The following HS3ST4 variants were observed in gnomAD, a reference collection of about 807,000 sequenced individuals.
The protein encoded by HS3ST4 is heparan sulfate-glucosamine 3-sulfotransferase 4.
A neutral mutation model predicts 29.2 loss-of-function variants in HS3ST4; 17 were observed. That is an observed-to-expected ratio of 0.58 (90% confidence interval 0.40 to 0.87). HS3ST4 has a LOEUF of 0.87. HS3ST4 is among the 40% of genes least tolerant of loss of function. The pLI is 0.00. For synonymous variants in HS3ST4, 314 were observed against 285.7 expected (o/e 1.10, Z -1.00); for missense variants, 627 against 634.5 (o/e 0.99, Z 0.13).
rs756561768 is a variant in HS3ST4 at position 26,137,003 on chromosome 16, A to G, written c.*755A>G. The G allele has an allele frequency of 4.6e-5, 7 of 152,230 alleles. No homozygotes were observed. The highest frequency in any genetic ancestry group is 1.7e-4 in the African/African-American group (7 of 41,442). 9.4% of individuals were successfully genotyped at this position (152,230 alleles called of 1,614,324 possible). On this transcript the variant is annotated 3_prime_UTR_variant, in exon 2 of 2. Coordinates refer to ENST00000331351, the MANE Select transcript of HS3ST4 (RefSeq NM_006040.3). ...ATCCTGGGTTGTGCAGAAGCTTAGC[A>G]TATGCCCTTGTGTTCGGATCAGGCC...
chr16:26,034,781 C>A (rs1398622696), intron 1 of HS3ST4, among the ~76,000 whole-genome samples: 1 of 151,756 alleles, frequency 6.6e-6, no homozygotes, highest in Non-Finnish European at 1.5e-5. Context: ...CCAGCCTGGG[C>A]AACATAGCAA....
chr16:25,751,453 C>G (rs1966719518), intron 1 of HS3ST4, among the ~76,000 whole-genome samples: 1 of 152,138 alleles, frequency 6.6e-6, no homozygotes, highest in Non-Finnish European at 1.5e-5. Flanking sequence ...GGATGTTACA[C>G]AAAGCAAGGA....
chr16:25,822,756 G>A (rs993494796), intron 1 of HS3ST4, among the ~76,000 whole-genome samples: 3 of 150,926 alleles, frequency 2.0e-5, no homozygotes, highest in Non-Finnish European at 4.4e-5. Flanking sequence ...TTGTTCTTTT[G>A]AGACAGGGTC....
intron 1 of HS3ST4, among the ~76,000 whole-genome samples, chr16:26,080,639 C>T (rs1299355260): frequency 6.6e-6 from 1 of 152,164 alleles, no homozygotes; most frequent in South Asian, 2.1e-4. Flanking sequence ...TGGAGAATGT[C>T]TCAGGGCTAC....
intron 1 of HS3ST4, among the ~76,000 whole-genome samples, chr16:26,130,284 C>T (rs896915654): frequency 5.3e-5 from 8 of 152,168 alleles, no homozygotes; most frequent in African/African-American, 9.6e-5. Flanking sequence ...ATATGGTTCA[C>T]GCTGAAGTGC....
At position 26,136,700 on chromosome 16, in the gene HS3ST4, C is replaced by A. The variant is rs1898288218; in HGVS notation, c.*452C>A. On this transcript the variant is annotated 3_prime_UTR_variant, in exon 2 of 2. Transcript: ENST00000331351. ...TGTCTAAACCTCTGCTTGGGCTTCT[C>A]CCCAGAATGCACTTTGTGGCTGAGT... The A allele has an allele frequency of 1.2e-5, 2 of 171,610 alleles. No homozygotes were observed. Among genetic ancestry groups the A allele is most frequent in the South Asian group, 2.7e-4 (2 of 7,310 alleles). The allele number at this position is 171,610 out of a possible 1,614,324, so 10.6% of individuals were successfully genotyped here.
intron 1 of HS3ST4, among the ~76,000 whole-genome samples, chr16:26,025,804 T>A (rs1969465021): frequency 6.6e-6 from 1 of 152,086 alleles, no homozygotes; most frequent in Admixed American, 6.5e-5. Context: ...TGAGATGGAG[T>A]CTCATTCTGT....
At chr16:25,935,783 T>C (rs1378150354) in intron 1 of HS3ST4, among the ~76,000 whole-genome samples, 1 of 152,196 alleles carries the variant, frequency 6.6e-6, no homozygotes, top group Non-Finnish European at 1.5e-5. Flanking sequence ...AATGTTTATA[T>C]GTTTATAGCA....
rs187881540 is a variant in HS3ST4, at chr16:25,872,508, C to G, written c.734+179357C>G. On this transcript the variant is annotated intron_variant, in intron 1 of 1. Coordinates refer to ENST00000331351, the MANE Select transcript of HS3ST4 (RefSeq NM_006040.3). Reference sequence around the variant, plus strand: ...GCTTCTGTTCTAGGATGGTCCCATTCATGTTTGGCAGTTAGATCAGTGTCA... The same window carrying G: ...GCTTCTGTTCTAGGATGGTCCCATTGATGTTTGGCAGTTAGATCAGTGTCA... Among the ~76,000 whole-genome samples the G allele has an allele frequency of 2.6e-5, 4 of 152,328 alleles. No individual in the cohort carries two copies. The East Asian group carries it at 7.7e-4, about 29-fold the overall frequency.
At chr16:26,047,853 A>G (rs1172966132) in intron 1 of HS3ST4, among the ~76,000 whole-genome samples, 2 of 152,210 alleles carry the variant, frequency 1.3e-5, no homozygotes, top group Non-Finnish European at 2.9e-5. Context: ...TGAGCGGTGT[A>G]ACAGAGACTG....
chr16:26,105,069 C>A (rs1179127419), intron 1 of HS3ST4, among the ~76,000 whole-genome samples: 5 of 152,188 alleles, frequency 3.3e-5, no homozygotes, highest in Non-Finnish European at 7.3e-5. Context: ...CTTCTCCCCA[C>A]AGCAATCACA....
intron 1 of HS3ST4, among the ~76,000 whole-genome samples, chr16:25,920,613 T>A (rs955383071): frequency 2.7e-5 from 4 of 149,328 alleles, no homozygotes; most frequent in African/African-American, 9.8e-5. Flanking sequence ...CCCCTCTTTT[T>A]TTTTTTTGAA....
chr16:26,016,079 A>T (rs1170772019), intron 1 of HS3ST4, among the ~76,000 whole-genome samples: 1 of 151,904 alleles, frequency 6.6e-6, no homozygotes, highest in Admixed American at 6.6e-5. Context: ...AGGCCGAAAA[A>T]CTCTCTGTTA....
At position 25,796,719 on chromosome 16, in the gene HS3ST4, C is replaced by G. The variant is rs144264877; in HGVS notation, c.734+103568C>G. Among the ~76,000 whole-genome samples, 32 of 152,314 alleles carry G rather than the reference C, an allele frequency of 2.1e-4. No individual in the cohort carries two copies. In the East Asian group the frequency reaches 4.0e-3, roughly 19 times the overall value. Reference sequence around the variant, plus strand: ...GCTAGAGTTCTATGAAGGCTCCTGCCTCGCAGCACTAGCCCATAGGCAGTG... The same window carrying G: ...GCTAGAGTTCTATGAAGGCTCCTGCGTCGCAGCACTAGCCCATAGGCAGTG... On this transcript the variant is annotated intron_variant, in intron 1 of 1. Transcript: ENST00000331351.
At chr16:26,091,089 C>A (rs975605865) in intron 1 of HS3ST4, among the ~76,000 whole-genome samples, 2 of 152,134 alleles carry the variant, frequency 1.3e-5, no homozygotes, top group Admixed American at 6.5e-5. Context: ...AGTTTGAGAA[C>A]CACTAAGGTA....
At chr16:26,005,691 C>T (rs1969251334) in intron 1 of HS3ST4, among the ~76,000 whole-genome samples, 1 of 151,272 alleles carries the variant, frequency 6.6e-6, no homozygotes, top group South Asian at 2.1e-4. Flanking sequence ...CAGAGGATAG[C>T]CACGAGGGGA....
intron 1 of HS3ST4, among the ~76,000 whole-genome samples, chr16:26,030,374 C>T (rs955727956): frequency 6.6e-6 from 1 of 152,152 alleles, no homozygotes; most frequent in Admixed American, 6.5e-5. Flanking sequence ...CCGTTGCACT[C>T]TAGCCTAGGC....
intron 1 of HS3ST4, among the ~76,000 whole-genome samples, chr16:25,996,187 G>C (rs1429022703): frequency 1.3e-5 from 2 of 152,108 alleles, no homozygotes; most frequent in Non-Finnish European, 2.9e-5. Context: ...AGGCATTGGT[G>C]GTGACAGCCC....
intron 1 of HS3ST4, among the ~76,000 whole-genome samples, chr16:26,114,523 C>T (rs915004945): frequency 6.6e-6 from 1 of 152,054 alleles, no homozygotes; most frequent in African/African-American, 2.4e-5. Flanking sequence ...TCCCAAGGAG[C>T]TCATGGTCTA....
Sources: allele counts gnomAD v4.1 joint callset (sites outside exome capture counted in the v4.1 genomes callset), GRCh38; gene constraint gnomAD v4.1.1; transcripts MANE v1.5; gene names NCBI Gene and HGNC (gene_info 2026-07-23, HGNC 2026-07-21).